Variants in PRPF31 observed in about 807,000 individuals in gnomAD.
PRPF31 encodes the protein pre-mRNA processing factor 31.
In PRPF31, 12 loss-of-function variants were observed where a neutral mutation model predicts 60.4. The observed-to-expected ratio is 0.20, with a 90% CI of 0.13 to 0.32. PRPF31 has a LOEUF of 0.32. Ranked by LOEUF, PRPF31 falls within the 10% of genes least tolerant of loss-of-function variation. The probability of loss-of-function intolerance (pLI) is 1.00; values close to 1 mark genes in which losing one functional copy is unlikely to be tolerated. For synonymous variants in PRPF31, 287 were observed against 287.9 expected (o/e 1.00, Z 0.03); for missense variants, 431 against 687.1 (o/e 0.63, Z 4.17).
chr19:54,117,963 AGTAT>A (rs2073691119), intron 1 of PRPF31, among the ~76,000 whole-genome samples: 1 of 152,226 alleles, frequency 6.6e-6, no homozygotes, highest in African/African-American at 2.4e-5. Context: ...AGAATTTCAA[AGTAT>A]GTTTTCAAGG....
At position 54,118,551 on chromosome 19, in the gene PRPF31, A is replaced by T. The variant is rs775295624; in HGVS notation, c.178-22A>T. 4.3e-6 allele frequency: 7 copies of T among 1,614,008 alleles called. No individual in the cohort carries two copies. In the Admixed American group the frequency reaches 6.7e-5, roughly 15 times the overall value. On this transcript the variant is annotated intron_variant, in intron 2 of 13. Transcript: ENST00000321030. ...TCTTTTTGAAGAGTGCTGGATTCTG[A>T]CTGTCTTCTCCTTTCCTACAGTTTG... is the stretch of plus-strand genomic sequence containing the variant.
chr19:54,123,818 C>G lies in PRPF31; in HGVS notation c.597C>G (p.Ala199=). Residue 199 remains alanine, a synonymous_variant, in exon 7 of 14, where the codon GCC becomes GCG. Coordinates refer to ENST00000321030, the MANE Select transcript of PRPF31 (RefSeq NM_015629.4). The part of the protein sequence containing the change: ...EACDMALELN[A]SKHRIYEYVE... ...GCGACATGGCGCTGGAGCTGAACGCCTCCAAGCACCGCATCTACGAGTATG... is the reference window on the plus strand; with the variant it reads ...GCGACATGGCGCTGGAGCTGAACGCGTCCAAGCACCGCATCTACGAGTATG... The G allele has an allele frequency of 6.2e-7, 1 of 1,613,636 alleles. No homozygotes were observed. The highest frequency in any genetic ancestry group is 1.1e-5 in the South Asian group (1 of 91,090).
At chr19:54,122,157 T>C in intron 4 of PRPF31, 2 of 657,564 alleles carry the variant, frequency 3.0e-6, no homozygotes, top group East Asian at 5.4e-5. Context: ...CTTGGCTGCC[T>C]GTAGGGCCCC....
chr19:54,121,517 G>A (rs1006485682), intron 3 of PRPF31, among the ~76,000 whole-genome samples: 4 of 152,130 alleles, frequency 2.6e-5, no homozygotes, highest in African/African-American at 7.2e-5. Flanking sequence ...TACAGCCAAC[G>A]CAGGCACAGC....
At position 54,128,190 on chromosome 19, in the gene PRPF31, G is replaced by T; in HGVS notation, c.1063G>T (p.Gly355Cys). The T allele has an allele frequency of 6.4e-7, 1 of 1,570,290 alleles. No individual in the cohort carries two copies. The highest frequency in any genetic ancestry group is 1.2e-5 in the South Asian group (1 of 85,456). The change falls in exon 10 of 14, where the codon GGC (glycine) becomes TGC (cysteine). Residue 355 changes from glycine (G) to cysteine (C), a missense_variant. Transcript: ENST00000321030. The part of the protein sequence containing the change: ...APLDGQRKKR[G>C]GRRYRKMKER... ...CCTGGATGGACAGCGGAAGAAGCGA[G>T]GCGGCCGCAGGTGAGGGGCCCTGGG...
rs776306007 is a variant in PRPF31, at chr19:54,118,441, T to A, written c.163T>A (p.Trp55Arg). ...TTCAGTCAAGACCATCGCCAAGCTATGGGATAGTAAGATGGTAAGAGGACA... is the reference window on the plus strand; with the variant it reads ...TTCAGTCAAGACCATCGCCAAGCTAAGGGATAGTAAGATGGTAAGAGGACA... ...GDSVKTIAKL[W>R]DSKMFAEIMM... is the part of the protein sequence containing the mutation. Residue 55 changes from tryptophan to arginine, a missense_variant, in exon 2 of 14, where the codon TGG (tryptophan) becomes AGG (arginine). This residue lies in a region of PRPF31 where 113 missense variants were observed against 173.8 expected (regional missense o/e 0.65). Coordinates refer to ENST00000321030, the MANE Select transcript of PRPF31 (RefSeq NM_015629.4). 1.9e-6 allele frequency: 3 copies of A among 1,614,094 alleles called. No homozygotes were observed. The highest frequency in any genetic ancestry group is 2.5e-6 in the Non-Finnish European group (3 of 1,180,006).
At chr19:54,124,791 A>C in intron 8 of PRPF31, 135 bp downstream of exon 8, 1 of 1,079,650 alleles carries the variant, frequency 9.3e-7, no homozygotes, top group Non-Finnish European at 1.4e-6. Flanking sequence ...GTGGCATGGG[A>C]CGTGAGAGCC....
In PRPF31 at chr19:54,129,339, C is replaced by A; in HGVS notation, c.1343C>A (p.Thr448Lys). 1 of 1,602,848 alleles carries A rather than the reference C, an allele frequency of 6.2e-7. No individual in the cohort carries two copies. The highest frequency in any genetic ancestry group is 1.3e-5 in the African/African-American group (1 of 74,560). ...KSTIRDRSSG[T>K]ASSVAFTPLQ... ...ACCATCCGCGACCGCTCCTCGGGCA[C>A]GGCCTCCAGCGTGGCCTTCACCCCA... The change falls in exon 13 of 14, where the codon ACG (threonine) becomes AAG (lysine). Residue 448 changes from threonine (T) to lysine (K), a missense_variant. Thr to Lys is a moderately conservative substitution (Grantham distance 78, BLOSUM62 -1). Coordinates refer to ENST00000321030, the MANE Select transcript of PRPF31 (RefSeq NM_015629.4).
At position 54,118,409 on chromosome 19, in the gene PRPF31, C is replaced by G. The variant is rs1159313685; in HGVS notation, c.131C>G (p.Ser44Cys). Residue 44 changes from serine to cysteine, a missense_variant, in exon 2 of 14, where the codon TCC (serine) becomes TGC (cysteine). Transcript: ENST00000321030. ...DVQEETQLDLSGDSVKTIAKL... is the reference protein window; with the variant it reads ...DVQEETQLDLCGDSVKTIAKL... ...CAGGAGGAGACACAGCTGGATCTTT[C>G]CGGGGATTCAGTCAAGACCATCGCC... 2 of 1,613,968 alleles carry G rather than the reference C, an allele frequency of 1.2e-6. No individual in the cohort carries two copies. The highest frequency in any genetic ancestry group is 1.7e-6 in the Non-Finnish European group (2 of 1,180,032).
At chr19:54,125,910 C>T (rs1377267606) in intron 8 of PRPF31, among the ~76,000 whole-genome samples, 1 of 152,224 alleles carries the variant, frequency 6.6e-6, no homozygotes, top group African/African-American at 2.4e-5. Flanking sequence ...TAAACCTGCC[C>T]CAGGGAGCCT....
At chr19:54,130,041 T>C (rs891070930) in intron 13 of PRPF31, among the ~76,000 whole-genome samples, 1 of 151,748 alleles carries the variant, frequency 6.6e-6, no homozygotes, top group Non-Finnish European at 1.5e-5. Context: ...AGATGTCCAG[T>C]GTAGGAGAAG....
intron 3 of PRPF31, 33 bp from the exon 4 acceptor site, chr19:54,121,827 G>A: frequency 6.3e-7 from 1 of 1,583,608 alleles, no homozygotes; most frequent in Non-Finnish European, 8.6e-7. Flanking sequence ...TAGGGATTTA[G>A]ATACTCACAC....
chr19:54,131,299 C>G lies in PRPF31; in HGVS notation c.1375-8C>G. 4 of 1,613,846 alleles carry G rather than the reference C, an allele frequency of 2.5e-6. No homozygotes were observed. Among genetic ancestry groups the G allele is most frequent in the Non-Finnish European group, 3.4e-6 (4 of 1,179,942 alleles). On this transcript the variant is annotated splice_region_variant and splice_polypyrimidine_tract_variant and intron_variant, in intron 13 of 13. Transcript: ENST00000321030. ...TAACCCATCATCCTCTCTCCCTCAC[C>G]TGCCCAGGGCCTGGAGATTGTGAAC...
intron 9 of PRPF31, 148 bp from the exon 10 acceptor site, chr19:54,127,925 C>T (rs2073957507): frequency 3.4e-6 from 4 of 1,172,506 alleles, no homozygotes; most frequent in Non-Finnish European, 4.9e-6. Context: ...AAGTCAACAC[C>T]AAGAAGAAAA....
chr19:54,128,508 C>CCA, intron 11 of PRPF31, 131 bp downstream of exon 11: 2 of 943,114 alleles, frequency 2.1e-6, no homozygotes, highest in Non-Finnish European at 1.7e-6. Context: ...AGCCTCCCCC[C>CCA]CCCCGGCCTC....
intron 9 of PRPF31, 90 bp from the exon 10 acceptor site, chr19:54,127,983 G>T: frequency 6.6e-7 from 1 of 1,525,020 alleles, no homozygotes; most frequent in Non-Finnish European, 8.9e-7. Flanking sequence ...TTTAACTAAG[G>T]CACGTGGATA....
At chr19:54,118,790 A>C in intron 3 of PRPF31, 157 bp downstream of exon 3, 1 of 676,398 alleles carries the variant, frequency 1.5e-6, no homozygotes, top group Non-Finnish European at 2.5e-6. Context: ...TTTTCCACTA[A>C]ATATATATTG....
At chr19:54,116,771 G>A (rs1167767472) in intron 1 of PRPF31, among the ~76,000 whole-genome samples, 1 of 152,246 alleles carries the variant, frequency 6.6e-6, no homozygotes, top group African/African-American at 2.4e-5. Context: ...GAACGTGAGA[G>A]CTGAAGGCTG....
At chr19:54,122,240 T>C in intron 4 of PRPF31, 1 of 620,936 alleles carries the variant, frequency 1.6e-6, no homozygotes. Context: ...AGCCATCACC[T>C]CCGCATTCCC....
Sources: allele counts gnomAD v4.1 joint callset (sites outside exome capture counted in the v4.1 genomes callset), GRCh38; gene constraint gnomAD v4.1.1; regional missense constraint gnomAD v4.1.1; transcripts MANE v1.5; gene names NCBI Gene and HGNC (gene_info 2026-07-23, HGNC 2026-07-21).